CRYBB1: variants seen among roughly 807,000 people sequenced by gnomAD.
CRYBB1 encodes the protein beta-crystallin B1.
Under a neutral mutation model 29.5 loss-of-function variants are expected in CRYBB1, and 16 were observed. That is an observed-to-expected ratio of 0.54 (90% CI 0.37 to 0.82). CRYBB1 has a LOEUF of 0.82. CRYBB1 is among the 40% of genes least tolerant of loss of function. The pLI is 0.00. For synonymous variants in CRYBB1, 127 were observed against 136.7 expected (o/e 0.93, Z 0.49); for missense variants, 300 against 350.5 (o/e 0.86, Z 1.15).
At chr22:26,600,388 C>G (rs1387760150) in intron 5 of CRYBB1, among the ~76,000 whole-genome samples, 1 of 151,038 alleles carries the variant, frequency 6.6e-6, no homozygotes, top group South Asian at 2.1e-4. Flanking sequence ...AGGGACAGAG[C>G]GAGACTCCAT....
intron 5 of CRYBB1, among the ~76,000 whole-genome samples, chr22:26,600,706 A>G (rs1190544995): frequency 6.6e-6 from 1 of 152,272 alleles, no homozygotes; most frequent in African/African-American, 2.4e-5. Flanking sequence ...TTAATTTCTA[A>G]CTTCTCTCAT....
Position 26,602,036 on chromosome 22 carries a change from G to C in CRYBB1, c.433-15C>G, listed in dbSNP as rs766766781. On this transcript the variant is annotated splice_polypyrimidine_tract_variant and intron_variant, in intron 4 of 5. Coordinates refer to ENST00000647684, the MANE Select transcript of CRYBB1 (RefSeq NM_001887.4). The stretch of plus-strand genomic sequence containing the variant: ...TCCTGGGCATCCTGGGGAAAGAGAG[G>C]CCGGGTCAGGTGTGTGAAGTACAAA... The C allele has an allele frequency of 6.2e-6, 10 of 1,613,066 alleles. No individual in the cohort carries two copies. Among genetic ancestry groups the C allele is most frequent in the Middle Eastern group, 1.7e-4 (1 of 5,990 alleles).
intron 1 of CRYBB1, among the ~76,000 whole-genome samples, chr22:26,617,077 T>C (rs1929380601): frequency 6.6e-6 from 1 of 152,060 alleles, no homozygotes; most frequent in South Asian, 2.1e-4. Context: ...GAGGGGTTGG[T>C]GTATGGGTGC....
intron 1 of CRYBB1, among the ~76,000 whole-genome samples, chr22:26,616,797 T>C (rs1370700681): frequency 6.6e-6 from 1 of 152,206 alleles, no homozygotes; most frequent in Non-Finnish European, 1.5e-5. Context: ...GCTGCTATCA[T>C]GATCCCCTCT....
At chr22:26,613,399 G>A (rs1929241629) in intron 2 of CRYBB1, among the ~76,000 whole-genome samples, 1 of 152,224 alleles carries the variant, frequency 6.6e-6, no homozygotes, top group Admixed American at 6.5e-5. Context: ...GGATGTTGCG[G>A]GAAGTCAGGG....
intron 3 of CRYBB1, among the ~76,000 whole-genome samples, chr22:26,608,890 G>T (rs1929069302): frequency 6.6e-6 from 1 of 152,116 alleles, no homozygotes; most frequent in Non-Finnish European, 1.5e-5. Context: ...AAGATGCTAG[G>T]TTCCTTACAT....
In CRYBB1 at chr22:26,599,383, T is replaced by A; in HGVS notation, c.*107A>T. 1 of 1,108,388 alleles carries A rather than the reference T, an allele frequency of 9.0e-7. No homozygotes were observed. Among genetic ancestry groups the A allele is most frequent in the Non-Finnish European group, 1.3e-6 (1 of 749,946 alleles). The allele number at this position is 1,108,388 out of a possible 1,614,324, so 68.7% of individuals were successfully genotyped here. On this transcript the variant is annotated 3_prime_UTR_variant, in exon 6 of 6. Transcript: ENST00000647684. ...CTCAAGGCACACATCTGTTTACAGATCCAGGAGAAATTTTGGCTTTAGGGA... is the reference window on the plus strand; with the variant it reads ...CTCAAGGCACACATCTGTTTACAGAACCAGGAGAAATTTTGGCTTTAGGGA...
chr22:26,609,014 A>G (rs1356087610), intron 3 of CRYBB1, among the ~76,000 whole-genome samples: 2 of 152,216 alleles, frequency 1.3e-5, no homozygotes, highest in African/African-American at 2.4e-5. Flanking sequence ...GTGGCAGTGC[A>G]GGTGGGGTAG....
intron 4 of CRYBB1, among the ~76,000 whole-genome samples, chr22:26,602,550 C>T (rs183198494): frequency 9.4e-4 from 143 of 151,366 alleles, no homozygotes; most frequent in African/African-American, 3.4e-3. Context: ...ATGATTACAC[C>T]ACTGCACTCC....
At chr22:26,611,463 T>G (rs75827401) in intron 3 of CRYBB1, among the ~76,000 whole-genome samples, 31 of 136,506 alleles carry the variant, frequency 2.3e-4, no homozygotes, top group African/African-American at 4.0e-4. Flanking sequence ...TGTTTTTTTT[T>G]TTTTTGTTTT....
intron 2 of CRYBB1, among the ~76,000 whole-genome samples, chr22:26,613,486 C>T (rs1057089176): frequency 6.6e-6 from 1 of 152,194 alleles, no homozygotes; most frequent in African/African-American, 2.4e-5. Context: ...TTTATTAGTT[C>T]CCCAAATTAA....
intron 5 of CRYBB1, among the ~76,000 whole-genome samples, chr22:26,601,379 T>C (rs1033705106): frequency 3.9e-5 from 6 of 152,124 alleles, no homozygotes; most frequent in African/African-American, 1.4e-4. Context: ...TGTGTGCCCA[T>C]TGCCTAGCTG....
intron 4 of CRYBB1, among the ~76,000 whole-genome samples, chr22:26,604,883 A>G (rs1928927493): frequency 6.6e-6 from 1 of 152,134 alleles, no homozygotes; most frequent in Non-Finnish European, 1.5e-5. Flanking sequence ...CCACTGCTAG[A>G]GGGGTCAAGA....
chr22:26,613,830 A>T (rs1482084494), intron 2 of CRYBB1, among the ~76,000 whole-genome samples: 1 of 152,204 alleles, frequency 6.6e-6, no homozygotes, highest in African/African-American at 2.4e-5. Context: ...ACAGAGCCAT[A>T]TTTCTCTTCT....
At chr22:26,611,365 C>G (rs1929150989) in intron 3 of CRYBB1, among the ~76,000 whole-genome samples, 1 of 152,224 alleles carries the variant, frequency 6.6e-6, no homozygotes, top group East Asian at 1.9e-4. Flanking sequence ...TATCATTACT[C>G]CCAGGCAGCT....
At chr22:26,614,407 G>A (rs1024083840) in intron 2 of CRYBB1, among the ~76,000 whole-genome samples, 4 of 152,124 alleles carry the variant, frequency 2.6e-5, no homozygotes, top group Admixed American at 6.5e-5. Context: ...GCTGGCCGAC[G>A]CTTAGGAAAA....
At position 26,607,753 on chromosome 22, in the gene CRYBB1, C is replaced by T. The variant is rs576415907; in HGVS notation, c.432+136G>A. On this transcript the variant is annotated intron_variant, in intron 4 of 5. Transcript: ENST00000647684. Reference sequence around the variant, plus strand: ...ATGAATTGATGAGCTCAAGAATCCACGGTCCTTTGACAACTCGGAGGCTGC... The same window carrying T: ...ATGAATTGATGAGCTCAAGAATCCATGGTCCTTTGACAACTCGGAGGCTGC... 4.0e-5 allele frequency: 46 copies of T among 1,159,422 alleles called. No homozygotes were observed. The East Asian group carries it at 6.0e-4, about 15-fold the overall frequency. 71.8% of individuals were successfully genotyped at this position (1,159,422 alleles called of 1,614,324 possible).
Position 26,608,018 on chromosome 22 carries a change from C to G in CRYBB1, c.303G>C (p.Trp101Cys). Residue 101 changes from tryptophan (W) to cysteine (C), a missense_variant, in exon 4 of 6, where the codon TGG becomes TGC. Transcript: ENST00000647684. ...GGAAGTTGGACTGCTCAAAGGCGAC[C>G]CAGCTGGATACAAGAAGGACCATGA... ...VRSIIVSAGPWVAFEQSNFRG... is the reference protein window; with the variant it reads ...VRSIIVSAGPCVAFEQSNFRG... 1 of 1,614,162 alleles carries G rather than the reference C, an allele frequency of 6.2e-7. No homozygotes were observed.
intron 2 of CRYBB1, among the ~76,000 whole-genome samples, chr22:26,615,226 G>A (rs192990629): frequency 5.3e-5 from 8 of 152,346 alleles, no homozygotes; most frequent in African/African-American, 1.9e-4. Context: ...CCAAATCCCA[G>A]GGGACTGGAC....
Sources: gnomAD v4.1 joint callset for allele counts (sites outside exome capture counted in the v4.1 genomes callset) on GRCh38, gnomAD v4.1.1 for gene constraint, MANE v1.5 for transcripts, NCBI Gene and HGNC (gene_info 2026-07-23, HGNC 2026-07-21) for gene names.